Variants in LRRC7 observed in about 807,000 individuals in gnomAD.
The protein encoded by LRRC7 is leucine-rich repeat-containing protein 7.
LRRC7 carries 23 observed loss-of-function variants against 175.7 expected under a neutral mutation model. The ratio of observed to expected loss-of-function variants is 0.13; its 90% confidence interval spans 0.09 to 0.19. The LOEUF (loss-of-function observed/expected upper bound fraction) is 0.19, where lower values mean the gene tolerates loss of function less well. LRRC7 is among the 10% of genes least tolerant of loss of function. The probability of loss-of-function intolerance (pLI) is 1.00; values close to 1 mark genes in which losing one functional copy is unlikely to be tolerated. For synonymous variants in LRRC7, 685 were observed against 680.9 expected (o/e 1.01, Z -0.09); for missense variants, 1,354 against 1,904.7 (o/e 0.71, Z 5.38).
chr1:69,937,929 G>T (rs896606830), intron 8 of LRRC7, among the ~76,000 whole-genome samples: 2 of 151,800 alleles, frequency 1.3e-5, no homozygotes, highest in African/African-American at 4.8e-5. Context: ...ACTTGATGAT[G>T]AGGTCATTTT....
intron 1 of LRRC7, among the ~76,000 whole-genome samples, chr1:69,649,035 A>C (rs78788991): frequency 0.015 from 2,240 of 152,342 alleles, 59 homozygotes; most frequent in African/African-American, 0.051. Context: ...TTAAAGATTT[A>C]TTAAACATTA....
chr1:69,798,952 A>G (rs955757457), intron 4 of LRRC7, among the ~76,000 whole-genome samples: 2 of 151,998 alleles, frequency 1.3e-5, no homozygotes, highest in Non-Finnish European at 2.9e-5. Context: ...CCTAATCACT[A>G]GTGAAGTTGG....
chr1:69,888,389 G>A (rs996806538), intron 7 of LRRC7, among the ~76,000 whole-genome samples: 9 of 152,114 alleles, frequency 5.9e-5, no homozygotes, highest in East Asian at 1.9e-4. Context: ...TTCCAGGTGC[G>A]TCCGTCACCC....
intron 23 of LRRC7, among the ~76,000 whole-genome samples, chr1:70,060,977 A>G (rs1350231662): frequency 6.6e-6 from 1 of 152,192 alleles, no homozygotes; most frequent in African/African-American, 2.4e-5. Flanking sequence ...ATTGGTCCAT[A>G]AGCAAATGAG....
chr1:69,882,651 A>T (rs1040331010), intron 7 of LRRC7, among the ~76,000 whole-genome samples: 1 of 149,714 alleles, frequency 6.7e-6, no homozygotes, highest in Non-Finnish European at 1.5e-5. Context: ...TTTAGGGTAC[A>T]TGTGCACATT....
At chr1:70,079,062 T>G (rs1483406465) in intron 24 of LRRC7, among the ~76,000 whole-genome samples, 1 of 152,230 alleles carries the variant, frequency 6.6e-6, no homozygotes, top group Non-Finnish European at 1.5e-5. Context: ...TGTTTTACTT[T>G]CCTAAGTTAT....
intron 25 of LRRC7, among the ~76,000 whole-genome samples, chr1:70,106,652 C>T (rs1244982949): frequency 6.6e-6 from 1 of 152,036 alleles, no homozygotes; most frequent in East Asian, 1.9e-4. Context: ...TTAATCTTGC[C>T]CTAACCTACT....
intron 24 of LRRC7, among the ~76,000 whole-genome samples, chr1:70,082,587 T>C (rs1211499322): frequency 6.6e-6 from 1 of 152,078 alleles, no homozygotes; most frequent in East Asian, 1.9e-4. Context: ...TTGCACTAAA[T>C]ACATATTATC....
At chr1:69,892,953 C>A (rs1391706426) in intron 7 of LRRC7, among the ~76,000 whole-genome samples, 1 of 152,114 alleles carries the variant, frequency 6.6e-6, no homozygotes, top group South Asian at 2.1e-4. Flanking sequence ...ATTTGATTTA[C>A]CTCCAAGGCA....
intron 1 of LRRC7, among the ~76,000 whole-genome samples, chr1:69,626,398 A>T (rs1331259527): frequency 1.3e-5 from 2 of 151,904 alleles, no homozygotes; most frequent in Non-Finnish European, 2.9e-5. Context: ...AAAAAAAAAA[A>T]AAAAAATCCA....
chr1:69,807,810 G>A (rs973294758), intron 4 of LRRC7, among the ~76,000 whole-genome samples: 1 of 151,914 alleles, frequency 6.6e-6, no homozygotes, highest in African/African-American at 2.4e-5. Flanking sequence ...TCTTTGTGGT[G>A]TTCTCTGTAT....
intron 2 of LRRC7, among the ~76,000 whole-genome samples, chr1:69,696,504 G>A (rs1200021793): frequency 1.3e-5 from 2 of 152,144 alleles, no homozygotes; most frequent in Non-Finnish European, 2.9e-5. Flanking sequence ...TTTTGAGGAC[G>A]ATCAGGAAGT....
intron 7 of LRRC7, among the ~76,000 whole-genome samples, chr1:69,901,018 C>T (rs2101667592): frequency 6.6e-6 from 1 of 152,248 alleles, no homozygotes; most frequent in South Asian, 2.1e-4. Context: ...TTATGAAGTT[C>T]CTTGAATGCA....
At chr1:69,801,174 T>C (rs1039435953) in intron 4 of LRRC7, among the ~76,000 whole-genome samples, 1 of 151,706 alleles carries the variant, frequency 6.6e-6, no homozygotes, top group Non-Finnish European at 1.5e-5. Context: ...TATTGATCTA[T>C]AGTTTTATTG....
chr1:69,573,751 CATTTT>C (rs1171901070), intron 1 of LRRC7, among the ~76,000 whole-genome samples: 12 of 152,068 alleles, frequency 7.9e-5, no homozygotes, highest in African/African-American at 2.9e-4. Context: ...CACTCATTCT[CATTTT>C]ATTGTTCATT....
chr1:69,820,235 A>G (rs1448301025), intron 4 of LRRC7, among the ~76,000 whole-genome samples: 1 of 152,086 alleles, frequency 6.6e-6, no homozygotes, highest in Non-Finnish European at 1.5e-5. Flanking sequence ...ACATTATAAC[A>G]TAGGCTATGT....
At chr1:70,030,253 A>G (rs1658569469) in intron 18 of LRRC7, among the ~76,000 whole-genome samples, 1 of 152,148 alleles carries the variant, frequency 6.6e-6, no homozygotes, top group South Asian at 2.1e-4. Context: ...GTGACTTCTT[A>G]TTGCTAAGGC....
At chr1:69,592,926 C>A (rs545000783) in intron 1 of LRRC7, among the ~76,000 whole-genome samples, 16 of 152,130 alleles carry the variant, frequency 1.1e-4, no homozygotes, top group African/African-American at 3.9e-4. Flanking sequence ...ATGCTACCTT[C>A]TAATATCTAA....
At chr1:69,703,741 T>C (rs1245968885) in intron 2 of LRRC7, among the ~76,000 whole-genome samples, 2 of 152,002 alleles carry the variant, frequency 1.3e-5, no homozygotes, top group Admixed American at 6.6e-5. Flanking sequence ...ATGTATATGA[T>C]GTTTATATTC....
Sources: allele counts gnomAD v4.1 joint callset (sites outside exome capture counted in the v4.1 genomes callset), GRCh38; gene constraint gnomAD v4.1.1; transcripts MANE v1.5; gene names NCBI Gene and HGNC (gene_info 2026-07-23, HGNC 2026-07-21).